The following TBCD variants were observed in gnomAD, a reference collection of about 807,000 sequenced individuals.
The protein encoded by TBCD is tubulin-specific chaperone D.
In TBCD, 105 loss-of-function variants were observed where a neutral mutation model predicts 169.3. The ratio of observed to expected loss-of-function variants is 0.62; its 90% CI spans 0.53 to 0.73. The LOEUF (loss-of-function observed/expected upper bound fraction) is 0.73. Among genes scored for constraint, TBCD ranks in the 30% least tolerant of loss-of-function variants. The pLI is 0.00. For missense variants in TBCD, 1,444 were observed against 1,600.1 expected, an observed-to-expected ratio of 0.90 and a Z score of 1.66; for synonymous variants, 700 against 643.9, an observed-to-expected ratio of 1.09 and a Z score of -1.32.
At chr17:82,810,596 C>T (rs1017565172) in intron 12 of TBCD, among the ~76,000 whole-genome samples, 1 of 152,176 alleles carries the variant, frequency 6.6e-6, no homozygotes, top group African/African-American at 2.4e-5. Context: ...CAGCCTGGGG[C>T]CTGCAGTCCT....
chr17:82,907,689 A>G (rs1251043741), intron 20 of TBCD, 72 bp from the exon 21 acceptor site: 1 of 1,546,596 alleles, frequency 6.5e-7, no homozygotes, highest in African/African-American at 1.4e-5. Flanking sequence ...GTGTGGCCTC[A>G]GCTCCTCCGA....
In TBCD at chr17:82,930,892, G is replaced by A. The variant is rs1443856122; in HGVS notation, c.3113+249G>A. Among the ~76,000 whole-genome samples, 1 of 152,216 alleles carries A rather than the reference G, an allele frequency of 6.6e-6. No homozygotes were observed. The highest frequency in any genetic ancestry group is 2.4e-5 in the African/African-American group (1 of 41,452). On this transcript the variant is annotated intron_variant, in intron 33 of 38. Transcript: ENST00000355528. This position sits in a 1 kb window ranked among gnomAD's most constrained non-coding sequence, Gnocchi z 5.2. Reference sequence around the variant, plus strand: ...TGAGGCAGGGAAATGACCGTTGTGTGTACAATGGACGTAAAGGTAGTATGA... The same window carrying A: ...TGAGGCAGGGAAATGACCGTTGTGTATACAATGGACGTAAAGGTAGTATGA...
chr17:82,806,067 C>G lies in TBCD; in HGVS notation c.1087+56C>G. Reference sequence around the variant, plus strand: ...CTTGGGCACCGTCGGGCCAATTCCCCTCTACTCCAGGACCACACTTCCTTC... The same window carrying G: ...CTTGGGCACCGTCGGGCCAATTCCCGTCTACTCCAGGACCACACTTCCTTC... On this transcript the variant is annotated intron_variant, in intron 10 of 38. Transcript: ENST00000355528. This position sits in a 1 kb window ranked among gnomAD's most constrained non-coding sequence, Gnocchi z 5.1. The G allele has an allele frequency of 1.3e-6, 2 of 1,590,686 alleles. No homozygotes were observed. Among genetic ancestry groups the G allele is most frequent in the Non-Finnish European group, 1.7e-6 (2 of 1,163,946 alleles).
chr17:82,853,449 C>T (rs185053344), intron 13 of TBCD, among the ~76,000 whole-genome samples: 5 of 151,932 alleles, frequency 3.3e-5, no homozygotes, highest in Non-Finnish European at 7.4e-5. Flanking sequence ...GTTGCCCAGG[C>T]TGGAGTGCAG....
chr17:82,938,209 T>G, intron 36 of TBCD, 73 bp downstream of exon 36: 1 of 1,475,688 alleles, frequency 6.8e-7, no homozygotes, highest in Non-Finnish European at 9.3e-7. Context: ...AGGCCTTCGC[T>G]GGCACTGTTG....
chr17:82,806,110 C>G lies in TBCD; in HGVS notation c.1087+99C>G. The G allele has an allele frequency of 6.7e-7, 1 of 1,485,334 alleles. No individual in the cohort carries two copies. The allele number at this position is 1,485,334 out of a possible 1,614,324, so 92.0% of individuals were successfully genotyped here. ...CTTCCTTCTTCCTTGCTGGTGCCGG[C>G]ACTGTCTGGCCACCCGTCCCCTTCG... On this transcript the variant is annotated intron_variant, in intron 10 of 38. Transcript: ENST00000355528. This position sits in a 1 kb window ranked among gnomAD's most constrained non-coding sequence, Gnocchi z 5.1.
At position 82,937,700 on chromosome 17, in the gene TBCD, C is replaced by G. The variant is rs961017449; in HGVS notation, c.3281+340C>G. 1.1e-4 allele frequency: 75 copies of G among 657,284 alleles called. No homozygotes were observed. In the African/African-American group the frequency reaches 1.2e-3, roughly 10 times the overall value. 40.7% of individuals were successfully genotyped at this position (657,284 alleles called of 1,614,324 possible). A position where few individuals can be genotyped will look rare whatever the true frequency, so the allele number is the denominator to read the frequency against. On this transcript the variant is annotated intron_variant, in intron 35 of 38. Transcript: ENST00000355528. ...GGGGGTCGCTGTTGAGTGCCTTGCT[C>G]TGCGGCGCTCAGGTGGACACTGGGC...
At chr17:82,887,168 T>TGTGTGTGTGTGTGTGCGC in intron 15 of TBCD, among the ~76,000 whole-genome samples, 83 of 126,186 alleles carry the variant, frequency 6.6e-4, no homozygotes, top group East Asian at 3.1e-3. Flanking sequence ...TGTGTGTGTG[T>TGTGTGTGTGTGTGTGCGC]GCGCGCGCGC....
rs866583216 is a variant in TBCD at position 82,849,967 on chromosome 17, G to C, written c.1319-20257G>C. ...GCTGTTGTTGCCTGTGCTGCTGTTG[G>C]CTGTGCTGCTGTTGGCTGTGCTGCT... is the stretch of plus-strand genomic sequence containing the variant. On this transcript the variant is annotated intron_variant, in intron 13 of 38. Transcript: ENST00000355528. Among the ~76,000 whole-genome samples the C allele has an allele frequency of 3.6e-3, 439 of 122,440 alleles. 2 individuals are homozygous for C. Among genetic ancestry groups the C allele is most frequent in the African/African-American group, 0.011 (348 of 31,984 alleles). The allele number at this position is 122,440 out of a possible 152,430, so 80.3% of individuals were successfully genotyped here. A position where few individuals can be genotyped will look rare whatever the true frequency, so the allele number is the denominator to read the frequency against.
At chr17:82,851,257 G>A (rs146405872) in intron 13 of TBCD, among the ~76,000 whole-genome samples, 4 of 152,274 alleles carry the variant, frequency 2.6e-5, no homozygotes, top group Middle Eastern at 3.4e-3. Flanking sequence ...AGTCTCAGGA[G>A]GTTTTAAAAT....
intron 13 of TBCD, among the ~76,000 whole-genome samples, chr17:82,859,275 A>T (rs1294733562): frequency 2.9e-5 from 4 of 137,056 alleles, no homozygotes; most frequent in Non-Finnish European, 4.6e-5. Flanking sequence ...TCCTCCCTAC[A>T]CTGACACACT....
intron 13 of TBCD, among the ~76,000 whole-genome samples, chr17:82,869,497 G>T (rs2145944545): frequency 6.6e-6 from 1 of 152,270 alleles, no homozygotes. Context: ...TCCAGCCTGG[G>T]AGACAGAGCC....
At chr17:82,783,339 A>G (rs1031036652) in intron 7 of TBCD, among the ~76,000 whole-genome samples, 4 of 152,234 alleles carry the variant, frequency 2.6e-5, no homozygotes, top group Admixed American at 6.5e-5. Flanking sequence ...CTCCACATAA[A>G]TGTGACAGAT....
intron 13 of TBCD, among the ~76,000 whole-genome samples, chr17:82,824,241 G>A (rs918808816): frequency 1.3e-5 from 2 of 151,840 alleles, no homozygotes; most frequent in Non-Finnish European, 2.9e-5. Context: ...GAGTGCAGTG[G>A]TGCGATCTCG....
At chr17:82,822,149 C>T (rs912102841) in intron 13 of TBCD, among the ~76,000 whole-genome samples, 16 of 152,180 alleles carry the variant, frequency 1.1e-4, no homozygotes, top group East Asian at 1.9e-4. Flanking sequence ...CTCTGGATGA[C>T]GAAAACTCTG....
intron 13 of TBCD, among the ~76,000 whole-genome samples, chr17:82,816,704 T>A (rs2051939401): frequency 6.6e-6 from 1 of 152,150 alleles, no homozygotes; most frequent in Non-Finnish European, 1.5e-5. Context: ...ACATTAATTT[T>A]TTTTTTTAGT....
At chr17:82,869,750 A>T (rs1389430151) in intron 13 of TBCD, among the ~76,000 whole-genome samples, 2 of 152,130 alleles carry the variant, frequency 1.3e-5, no homozygotes, top group African/African-American at 4.8e-5. Flanking sequence ...AGAGCCAGGC[A>T]TCCCCTGGGA....
Position 82,905,946 on chromosome 17 carries a change from G to A in TBCD, c.1815G>A (p.Arg605=), listed in dbSNP as rs1412056925. Residue 605 remains arginine, a synonymous_variant, in exon 20 of 39, where the codon AGG becomes AGA. Coordinates refer to ENST00000355528, the MANE Select transcript of TBCD (RefSeq NM_005993.5). ...PEFSATQVFP[R]LLSMTLSPDL... ...CCCTGTCTCTTGCAGTCTTCCCGAG[G>A]CTGCTGTCCATGACACTGAGTCCAG... 6.2e-7 allele frequency: 1 copy of A among 1,612,040 alleles called. No individual in the cohort carries two copies.
At chr17:82,940,049 A>G (rs904192105) in intron 37 of TBCD, among the ~76,000 whole-genome samples, 1 of 152,024 alleles carries the variant, frequency 6.6e-6, no homozygotes, top group Non-Finnish European at 1.5e-5. Context: ...GTTTTGAAAG[A>G]TGTGTGTATT....
Sources: gnomAD v4.1 joint callset for allele counts (sites outside exome capture counted in the v4.1 genomes callset) on GRCh38, gnomAD v4.1.1 for gene constraint, Gnocchi (gnomAD v3.1) non-coding constraint, MANE v1.5 for transcripts, NCBI Gene and HGNC (gene_info 2026-07-23, HGNC 2026-07-21) for gene names.